Variants in CTNNA3 observed in about 807,000 individuals in gnomAD.
The protein encoded by CTNNA3 is catenin alpha-3.
A neutral mutation model predicts 95.7 loss-of-function variants in CTNNA3; 76 were observed. The observed-to-expected ratio is 0.79, with a 90% CI of 0.66 to 0.96. The LOEUF is 0.96. CTNNA3 is among the 40% of genes least tolerant of loss of function. The pLI is 0.00. For synonymous variants in CTNNA3, 431 were observed against 374.4 expected (o/e 1.15, Z -1.74); for missense variants, 1,191 against 1,089.8 (o/e 1.09, Z -1.31).
intron 11 of CTNNA3, among the ~76,000 whole-genome samples, chr10:66,499,397 G>A (rs1840203195): frequency 6.6e-6 from 1 of 152,074 alleles, no homozygotes; most frequent in South Asian, 2.1e-4. Context: ...TATTTTTCCT[G>A]ATTTAGAAAG....
chr10:66,176,336 C>T (rs971039577), intron 13 of CTNNA3, among the ~76,000 whole-genome samples: 5 of 152,086 alleles, frequency 3.3e-5, no homozygotes, highest in Non-Finnish European at 5.9e-5. Flanking sequence ...TGGAGGCTTA[C>T]ATAAACCTGT....
intron 7 of CTNNA3, among the ~76,000 whole-genome samples, chr10:66,913,255 A>AG (rs1230116686): frequency 2.7e-5 from 4 of 149,918 alleles, no homozygotes; most frequent in Non-Finnish European, 4.5e-5. Context: ...AAAAAAAAAA[A>AG]AAAAAAAAAA....
rs1351072990 is a variant in CTNNA3, at chr10:67,580,640, A to T, written c.292+26217T>A. Reference sequence around the variant, plus strand: ...GGGGATGGCATTGAATCTATAAATTACCTTGGGCAGTATGGCCATTTTCAT... The same window carrying T: ...GGGGATGGCATTGAATCTATAAATTTCCTTGGGCAGTATGGCCATTTTCAT... On this transcript the variant is annotated intron_variant, in intron 3 of 17. Transcript: ENST00000433211. Among the ~76,000 whole-genome samples the T allele has an allele frequency of 1.1e-4, 16 of 150,746 alleles. 1 individual carries two copies. The East Asian group carries it at 1.7e-3, about 16-fold the overall frequency.
chr10:66,556,791 C>T (rs575570115), intron 10 of CTNNA3, among the ~76,000 whole-genome samples: 2 of 151,856 alleles, frequency 1.3e-5, no homozygotes, highest in East Asian at 1.9e-4. Flanking sequence ...ATAGGTCTAG[C>T]GATCTAACTT....
chr10:67,169,277 A>G (rs573358492), intron 7 of CTNNA3, among the ~76,000 whole-genome samples: 1 of 152,310 alleles, frequency 6.6e-6, no homozygotes, highest in South Asian at 2.1e-4. Context: ...ACAGAACTAG[A>G]GAAAATGATT....
At chr10:66,628,129 T>G (rs1845002552) in intron 9 of CTNNA3, among the ~76,000 whole-genome samples, 1 of 152,068 alleles carries the variant, frequency 6.6e-6, no homozygotes, top group Non-Finnish European at 1.5e-5. Flanking sequence ...TATTTTCCCA[T>G]CAAGTTAAAT....
chr10:66,814,505 A>G (rs1842004025), intron 7 of CTNNA3, among the ~76,000 whole-genome samples: 1 of 152,120 alleles, frequency 6.6e-6, no homozygotes, highest in Non-Finnish European at 1.5e-5. Flanking sequence ...TCACACCTGT[A>G]ATCCCAGCAC....
intron 10 of CTNNA3, among the ~76,000 whole-genome samples, chr10:66,536,280 G>A (rs1206526271): frequency 5.9e-5 from 9 of 151,778 alleles, no homozygotes; most frequent in Non-Finnish European, 8.8e-5. Context: ...TCAAGAGTTC[G>A]AGACCAGCCT....
At chr10:67,581,687 C>T (rs563338795) in intron 3 of CTNNA3, among the ~76,000 whole-genome samples, 1 of 152,268 alleles carries the variant, frequency 6.6e-6, no homozygotes, top group Non-Finnish European at 1.5e-5. Context: ...TCTGCCTGGT[C>T]CTGGACTTTT....
intron 8 of CTNNA3, among the ~76,000 whole-genome samples, chr10:66,767,670 T>A (rs1276451320): frequency 1.3e-5 from 2 of 152,078 alleles, no homozygotes; most frequent in Admixed American, 6.6e-5. Flanking sequence ...TAGTTTAGTT[T>A]TAGATTACTT....
At chr10:65,921,927 C>A (rs528917312) in intron 17 of CTNNA3, among the ~76,000 whole-genome samples, 1 of 152,212 alleles carries the variant, frequency 6.6e-6, no homozygotes, top group East Asian at 1.9e-4. Flanking sequence ...AAAATAATTG[C>A]TAATATCTAT....
chr10:67,016,181 C>G, intron 7 of CTNNA3, among the ~76,000 whole-genome samples: 1 of 152,102 alleles, frequency 6.6e-6, no homozygotes, highest in East Asian at 1.9e-4. Flanking sequence ...TCCACTGTTC[C>G]CTTTCTGATC....
At chr10:67,558,876 C>T (rs757082119) in intron 3 of CTNNA3, among the ~76,000 whole-genome samples, 8 of 152,202 alleles carry the variant, frequency 5.3e-5, no homozygotes, top group Non-Finnish European at 8.8e-5. Flanking sequence ...CACGGAGTCT[C>T]GCTGATTGCT....
chr10:67,299,508 T>C (rs1840182120), intron 5 of CTNNA3, among the ~76,000 whole-genome samples: 1 of 152,186 alleles, frequency 6.6e-6, no homozygotes, highest in South Asian at 2.1e-4. Flanking sequence ...TTCTGAGTAT[T>C]ATTTCCTTTT....
At chr10:67,024,070 C>A (rs1853198070) in intron 7 of CTNNA3, among the ~76,000 whole-genome samples, 1 of 152,204 alleles carries the variant, frequency 6.6e-6, no homozygotes, top group African/African-American at 2.4e-5. Context: ...GGACAGAAGT[C>A]CAAAATCAGC....
chr10:67,013,973 A>G (rs1852495905), intron 7 of CTNNA3, among the ~76,000 whole-genome samples: 1 of 152,138 alleles, frequency 6.6e-6, no homozygotes, highest in Non-Finnish European at 1.5e-5. Flanking sequence ...GTTTCCCAGG[A>G]CTGCTGTTTT....
At chr10:66,791,441 C>T (rs1291073953) in intron 7 of CTNNA3, among the ~76,000 whole-genome samples, 2 of 152,204 alleles carry the variant, frequency 1.3e-5, no homozygotes, top group Admixed American at 1.3e-4. Context: ...TTTTCCCATT[C>T]TTTACCTCCT....
At chr10:66,239,731 T>C (rs962197999) in intron 13 of CTNNA3, among the ~76,000 whole-genome samples, 1 of 151,966 alleles carries the variant, frequency 6.6e-6, no homozygotes, top group Non-Finnish European at 1.5e-5. Flanking sequence ...GTTTTTTTCG[T>C]ATTCTCTTTC....
chr10:67,631,187 A>C (rs1329944642), intron 2 of CTNNA3, among the ~76,000 whole-genome samples: 4 of 152,192 alleles, frequency 2.6e-5, no homozygotes, highest in Non-Finnish European at 4.4e-5. Flanking sequence ...TTTATTACAG[A>C]GGGATGCAAC....
Sources: allele counts gnomAD v4.1 joint callset (sites outside exome capture counted in the v4.1 genomes callset), GRCh38; gene constraint gnomAD v4.1.1; transcripts MANE v1.5; gene names NCBI Gene and HGNC (gene_info 2026-07-23, HGNC 2026-07-21).